Variants in CSMD1 observed in about 807,000 individuals in gnomAD.
The protein encoded by CSMD1 is CUB and sushi domain-containing protein 1.
Under a neutral mutation model 417.5 loss-of-function variants are expected in CSMD1, and 213 were observed. The observed-to-expected ratio is 0.51, with a 90% confidence interval of 0.46 to 0.57. The LOEUF is 0.57. Ranked by LOEUF, CSMD1 falls within the 20% of genes least tolerant of loss-of-function variation. The probability of loss-of-function intolerance (pLI) is 0.00; values close to 1 mark genes in which losing one functional copy is unlikely to be tolerated. For missense variants in CSMD1, 6,923 were observed against 4,529.7 expected, an observed-to-expected ratio of 1.53 and a Z score of -15.17; for synonymous variants, 2,862 against 1,736.8, an observed-to-expected ratio of 1.65 and a Z score of -16.11.
At chr8:3,217,542 G>A (rs550021290) in intron 29 of CSMD1, among the ~76,000 whole-genome samples, 2 of 152,044 alleles carry the variant, frequency 1.3e-5, no homozygotes, top group African/African-American at 4.8e-5. Context: ...TGTTGGGGGC[G>A]TGGGGGGCTA....
chr8:4,767,687 G>A (rs763780215), intron 1 of CSMD1, among the ~76,000 whole-genome samples: 15 of 152,244 alleles, frequency 9.9e-5, no homozygotes, highest in East Asian at 3.9e-4. Flanking sequence ...TTTTATGAAA[G>A]CATTCACAGG....
chr8:4,377,247 T>C (rs1176953532), intron 3 of CSMD1, among the ~76,000 whole-genome samples: 4 of 152,102 alleles, frequency 2.6e-5, no homozygotes, highest in African/African-American at 7.2e-5. Context: ...GATTAGTAAT[T>C]AAACAAAGCA....
chr8:4,333,320 G>C (rs1203310137), intron 3 of CSMD1, among the ~76,000 whole-genome samples: 2 of 152,086 alleles, frequency 1.3e-5, no homozygotes, highest in South Asian at 2.1e-4. Context: ...TGAACATCTA[G>C]ATCCGAGAGA....
At chr8:4,007,518 T>A (rs144678239) in intron 4 of CSMD1, among the ~76,000 whole-genome samples, 2 of 151,904 alleles carry the variant, frequency 1.3e-5, no homozygotes, top group African/African-American at 4.8e-5. Context: ...ATATTTAAAC[T>A]AGCACTCACC....
chr8:3,384,813 A>C (rs13254080), intron 18 of CSMD1, among the ~76,000 whole-genome samples: 2 of 119,170 alleles, frequency 1.7e-5, no homozygotes, highest in African/African-American at 6.7e-5. Flanking sequence ...TTATATATAA[A>C]TATATAATTA....
At chr8:3,274,605 G>A (rs1359317898) in intron 26 of CSMD1, among the ~76,000 whole-genome samples, 1 of 151,988 alleles carries the variant, frequency 6.6e-6, no homozygotes, top group African/African-American at 2.4e-5. Flanking sequence ...TATGAATCTG[G>A]GTGCTCCTGT....
chr8:3,982,536 T>G (rs1423583609), intron 5 of CSMD1, among the ~76,000 whole-genome samples: 1 of 152,110 alleles, frequency 6.6e-6, no homozygotes, highest in African/African-American at 2.4e-5. Flanking sequence ...TTTAGAATTA[T>G]GTGCACTAGG....
At chr8:4,151,829 A>G (rs1283026572) in intron 3 of CSMD1, among the ~76,000 whole-genome samples, 1 of 152,222 alleles carries the variant, frequency 6.6e-6, no homozygotes, top group African/African-American at 2.4e-5. Context: ...TTTTATATAT[A>G]TAGCATGAAT....
intron 1 of CSMD1, among the ~76,000 whole-genome samples, chr8:4,733,141 C>T (rs1172081452): frequency 6.6e-6 from 1 of 152,206 alleles, no homozygotes; most frequent in Non-Finnish European, 1.5e-5. Context: ...TCATTTCCTT[C>T]ATTCATTTAT....
At chr8:3,161,623 A>AG (rs1366873715) in intron 38 of CSMD1, among the ~76,000 whole-genome samples, 3 of 136,128 alleles carry the variant, frequency 2.2e-5, no homozygotes, top group Middle Eastern at 3.5e-3. Context: ...ACTCCCTCTC[A>AG]GAAAAAAAAA....
intron 1 of CSMD1, among the ~76,000 whole-genome samples, chr8:4,657,894 A>T (rs2126874): frequency 0.68 from 102,955 of 151,820 alleles, 36,742 homozygotes; most frequent in African/African-American, 0.9. Context: ...CAGATATAGA[A>T]GTTATAAAAA....
At chr8:3,390,875 G>A (rs940050860) in intron 17 of CSMD1, among the ~76,000 whole-genome samples, 7 of 152,084 alleles carry the variant, frequency 4.6e-5, no homozygotes, top group Non-Finnish European at 1.0e-4. Context: ...GCCGAGCTTA[G>A]AGATGTCACT....
At chr8:4,687,789 C>G (rs895850560) in intron 1 of CSMD1, among the ~76,000 whole-genome samples, 1 of 151,890 alleles carries the variant, frequency 6.6e-6, no homozygotes, top group African/African-American at 2.4e-5. Flanking sequence ...CTAATGATTT[C>G]AGGGAATGCA....
intron 2 of CSMD1, among the ~76,000 whole-genome samples, chr8:4,496,396 T>C (rs920363826): frequency 6.6e-6 from 1 of 152,122 alleles, no homozygotes; most frequent in Non-Finnish European, 1.5e-5. Flanking sequence ...TGGAGAGAGC[T>C]GATGAGATTC....
intron 3 of CSMD1, among the ~76,000 whole-genome samples, chr8:4,352,571 T>C (rs761077377): frequency 6.6e-6 from 1 of 152,218 alleles, no homozygotes; most frequent in African/African-American, 2.4e-5. Flanking sequence ...TCATTTTCCA[T>C]GTAACTTCAT....
At chr8:3,679,892 C>T (rs933222766) in intron 7 of CSMD1, among the ~76,000 whole-genome samples, 1 of 152,076 alleles carries the variant, frequency 6.6e-6, no homozygotes, top group Non-Finnish European at 1.5e-5. Flanking sequence ...CACTCAAAAC[C>T]ACACAACTAC....
chr8:3,916,941 G>T (rs146974732), intron 5 of CSMD1, among the ~76,000 whole-genome samples: 1 of 152,118 alleles, frequency 6.6e-6, no homozygotes, highest in South Asian at 2.1e-4. Context: ...TGCACTAAAA[G>T]CTGCTCCTTC....
chr8:3,802,746 G>C (rs765485514), intron 5 of CSMD1, among the ~76,000 whole-genome samples: 1 of 152,106 alleles, frequency 6.6e-6, no homozygotes, highest in Non-Finnish European at 1.5e-5. Context: ...CATCCCAAAA[G>C]CGTGATGCAA....
intron 68 of CSMD1, among the ~76,000 whole-genome samples, chr8:2,947,317 G>A (rs926911821): frequency 1.3e-5 from 2 of 152,122 alleles, no homozygotes; most frequent in African/African-American, 2.4e-5. Context: ...TTTATCTACT[G>A]ACTAGAGAAA....
Sources: gnomAD v4.1 joint callset for allele counts (sites outside exome capture counted in the v4.1 genomes callset) on GRCh38, gnomAD v4.1.1 for gene constraint, MANE v1.5 for transcripts, NCBI Gene and HGNC (gene_info 2026-07-23, HGNC 2026-07-21) for gene names.